The following NKAIN2 variants were observed in gnomAD, a reference collection of about 807,000 sequenced individuals.
The protein encoded by NKAIN2 is sodium/potassium transporting ATPase interacting 2, also known as sodium/potassium-transporting ATPase subunit beta-1-interacting protein 2.
In NKAIN2, 14 loss-of-function variants were observed where a neutral mutation model predicts 32.6. The ratio of observed to expected loss-of-function variants is 0.43; its 90% CI spans 0.28 to 0.67. NKAIN2 has a LOEUF of 0.67. NKAIN2 is among the 30% of genes least tolerant of loss of function. The pLI is 0.17. For missense variants in NKAIN2, 198 were observed against 258.3 expected (o/e 0.77, Z 1.60); for synonymous variants, 80 against 87.2 (o/e 0.92, Z 0.46).
chr6:124,667,426 G>A (rs1016154993), intron 4 of NKAIN2, among the ~76,000 whole-genome samples: 4 of 151,824 alleles, frequency 2.6e-5, no homozygotes, highest in Admixed American at 6.6e-5. Flanking sequence ...AAGAAGTGAA[G>A]TACATTAAAT....
chr6:124,319,040 G>C (rs147393330), intron 2 of NKAIN2, among the ~76,000 whole-genome samples: 30 of 152,094 alleles, frequency 2.0e-4, no homozygotes, highest in African/African-American at 7.0e-4. Flanking sequence ...GGTGGTTTCT[G>C]GGCTATAGGT....
chr6:124,747,421 G>C (rs1343377833), intron 4 of NKAIN2, among the ~76,000 whole-genome samples: 1 of 151,870 alleles, frequency 6.6e-6, no homozygotes, highest in Non-Finnish European at 1.5e-5. Context: ...AATATGTTAA[G>C]CCTTATGTCA....
rs73772132 is a variant in NKAIN2, at chr6:124,472,510, G to A, written c.273+117163G>A. 9.6e-3 allele frequency among the ~76,000 whole-genome samples: 1,456 copies of A among 152,098 alleles called. 21 individuals carry two copies. Among genetic ancestry groups the A allele is most frequent in the African/African-American group, 0.033 (1,388 of 41,500 alleles). ...GCCTTTGGGAGCACACATAGAACAA[G>A]AGCATCTCACCAGGAAACGGGGAGG... On this transcript the variant is annotated intron_variant, in intron 3 of 6. Transcript: ENST00000368417.
intron 1 of NKAIN2, among the ~76,000 whole-genome samples, chr6:123,859,489 G>C (rs1775695689): frequency 6.6e-6 from 1 of 151,966 alleles, no homozygotes; most frequent in South Asian, 2.1e-4. Context: ...GTTGCAAGAT[G>C]TTATTTTAAA....
chr6:124,310,097 C>A lies in NKAIN2; in HGVS notation c.192+26955C>A, dbSNP rs973763794. Among the ~76,000 whole-genome samples the A allele has an allele frequency of 2.0e-5, 3 of 151,996 alleles. 1 individual carries two copies. The highest frequency in any genetic ancestry group is 7.2e-5 in the African/African-American group (3 of 41,386). Reference sequence around the variant, plus strand: ...GGAATAGATGTCCCGAAATGTTTATCATAAAAGCACACAACTGATGAAATA... The same window carrying A: ...GGAATAGATGTCCCGAAATGTTTATAATAAAAGCACACAACTGATGAAATA... On this transcript the variant is annotated intron_variant, in intron 2 of 6. Transcript: ENST00000368417.
At chr6:124,603,825 T>C (rs1782398959) in intron 3 of NKAIN2, among the ~76,000 whole-genome samples, 1 of 151,938 alleles carries the variant, frequency 6.6e-6, no homozygotes, top group African/African-American at 2.4e-5. Flanking sequence ...ACCAAATAAA[T>C]ATGGTCATTT....
intron 4 of NKAIN2, among the ~76,000 whole-genome samples, chr6:124,713,836 A>G (rs1456071807): frequency 1.4e-4 from 21 of 152,096 alleles, no homozygotes; most frequent in Non-Finnish European, 1.5e-5. Context: ...AGAAGTGATC[A>G]CTCTATCAAT....
chr6:124,277,907 A>C (rs2114903399), intron 1 of NKAIN2, among the ~76,000 whole-genome samples: 1 of 151,616 alleles, frequency 6.6e-6, no homozygotes, highest in Non-Finnish European at 1.5e-5. Flanking sequence ...TCATCATCAT[A>C]GTTTCAAAAG....
chr6:124,119,364 C>G (rs998294408), intron 1 of NKAIN2, among the ~76,000 whole-genome samples: 13 of 152,192 alleles, frequency 8.5e-5, no homozygotes, highest in African/African-American at 3.1e-4. Context: ...TGATCACCCA[C>G]CTACCAGATC....
chr6:124,404,930 A>G (rs917373084), intron 3 of NKAIN2, among the ~76,000 whole-genome samples: 2 of 152,204 alleles, frequency 1.3e-5, no homozygotes, highest in Non-Finnish European at 2.9e-5. Flanking sequence ...CAATGTTAAC[A>G]TAAAACCCAG....
intron 4 of NKAIN2, among the ~76,000 whole-genome samples, chr6:124,736,511 T>G (rs948785013): frequency 4.6e-5 from 7 of 151,898 alleles, no homozygotes; most frequent in African/African-American, 1.7e-4. Context: ...AATGCCTGGC[T>G]TCAAAACTTC....
chr6:124,392,500 T>C (rs1773185788), intron 3 of NKAIN2, among the ~76,000 whole-genome samples: 1 of 152,074 alleles, frequency 6.6e-6, no homozygotes, highest in Admixed American at 6.6e-5. Flanking sequence ...ATGAGGACTT[T>C]TCCAGCAGAG....
intron 4 of NKAIN2, among the ~76,000 whole-genome samples, chr6:124,761,897 T>G (rs1026689194): frequency 6.6e-6 from 1 of 152,160 alleles, no homozygotes; most frequent in Non-Finnish European, 1.5e-5. Context: ...GAAATATGTC[T>G]CCAAAATGTG....
intron 4 of NKAIN2, among the ~76,000 whole-genome samples, chr6:124,732,878 T>C (rs1218314917): frequency 1.3e-5 from 2 of 152,052 alleles, no homozygotes; most frequent in African/African-American, 4.8e-5. Flanking sequence ...TCATTAATAT[T>C]TATGTATGTC....
intron 1 of NKAIN2, among the ~76,000 whole-genome samples, chr6:124,257,253 G>A (rs1793995234): frequency 6.6e-6 from 1 of 151,988 alleles, no homozygotes; most frequent in South Asian, 2.1e-4. Context: ...CTAGCTTCAA[G>A]CCTTGGTTGC....
rs141181482 is a variant in NKAIN2 at position 124,264,641 on chromosome 6, C to T, written c.55-18364C>T. On this transcript the variant is annotated intron_variant, in intron 1 of 6. Coordinates refer to ENST00000368417, the MANE Select transcript of NKAIN2 (RefSeq NM_001040214.3). ...GTGGAATGTGGAAACTAGCACTACTCAGTAGCTGTAGAAAAAGATTGGACC... is the reference window on the plus strand; with the variant it reads ...GTGGAATGTGGAAACTAGCACTACTTAGTAGCTGTAGAAAAAGATTGGACC... Among the ~76,000 whole-genome samples the T allele has an allele frequency of 4.2e-3, 633 of 152,252 alleles. 5 individuals carry two copies. Among genetic ancestry groups the T allele is most frequent in the African/African-American group, 0.014 (601 of 41,558 alleles).
At chr6:124,364,335 A>G (rs1244988229) in intron 3 of NKAIN2, among the ~76,000 whole-genome samples, 1 of 151,966 alleles carries the variant, frequency 6.6e-6, no homozygotes, top group Non-Finnish European at 1.5e-5. Context: ...AAAAAACAGA[A>G]TTGGATAGAA....
intron 3 of NKAIN2, among the ~76,000 whole-genome samples, chr6:124,431,212 G>C (rs548652185): frequency 1.3e-5 from 2 of 152,262 alleles, no homozygotes; most frequent in South Asian, 2.1e-4. Flanking sequence ...CCAGGGGCTT[G>C]TTTGATGGAA....
chr6:124,522,422 C>A (rs1403301207), intron 3 of NKAIN2, among the ~76,000 whole-genome samples: 1 of 152,158 alleles, frequency 6.6e-6, no homozygotes, highest in Non-Finnish European at 1.5e-5. Flanking sequence ...TAGTGGTGAG[C>A]ATTCCTTCAC....
Sources: gnomAD v4.1 joint callset for allele counts (sites outside exome capture counted in the v4.1 genomes callset) on GRCh38, gnomAD v4.1.1 for gene constraint, MANE v1.5 for transcripts, NCBI Gene and HGNC (gene_info 2026-07-23, HGNC 2026-07-21) for gene names.